The following TAFA1 variants were observed in gnomAD, a reference collection of about 807,000 sequenced individuals.
TAFA1 encodes the protein chemokine-like protein TAFA-1.
Under a neutral mutation model 18.5 loss-of-function variants are expected in TAFA1, and 4 were observed. That is an observed-to-expected ratio of 0.22 (90% CI 0.11 to 0.49). The LOEUF (loss-of-function observed/expected upper bound fraction) is 0.49, where lower values mean the gene tolerates loss of function less well. Ranked by LOEUF, TAFA1 falls within the 20% of genes least tolerant of loss-of-function variation. TAFA1 has a pLI of 0.98. For missense variants in TAFA1, 147 were observed against 169.0 expected (o/e 0.87, Z 0.72); for synonymous variants, 56 against 55.2 (o/e 1.01, Z -0.06).
rs554683946 is a variant in TAFA1 at position 68,207,785 on chromosome 3, A to C, written c.118+201041A>C. 2.2e-4 allele frequency among the ~76,000 whole-genome samples: 33 copies of C among 152,128 alleles called. No individual in the cohort carries two copies. In the South Asian group the frequency reaches 6.6e-3, roughly 31 times the overall value. On this transcript the variant is annotated intron_variant, in intron 2 of 4. Coordinates refer to ENST00000478136, the MANE Select transcript of TAFA1 (RefSeq NM_213609.4). ...CTATATGTCAGGCACTGCATATCTCAGTTGATGACCACAACTCTAGAAATT... is the reference window on the plus strand; with the variant it reads ...CTATATGTCAGGCACTGCATATCTCCGTTGATGACCACAACTCTAGAAATT...
At chr3:68,486,624 A>G (rs2072345177) in intron 3 of TAFA1, among the ~76,000 whole-genome samples, 1 of 152,228 alleles carries the variant, frequency 6.6e-6, no homozygotes, top group South Asian at 2.1e-4. Context: ...GTTGAAAGAG[A>G]TAATGCATTG....
At chr3:68,186,780 C>A (rs1335321204) in intron 2 of TAFA1, among the ~76,000 whole-genome samples, 4 of 152,042 alleles carry the variant, frequency 2.6e-5, no homozygotes, top group African/African-American at 9.7e-5. Flanking sequence ...TTAGTAAGTG[C>A]TCAGGATGCA....
At chr3:68,492,504 C>T (rs1193116950) in intron 3 of TAFA1, among the ~76,000 whole-genome samples, 2 of 152,138 alleles carry the variant, frequency 1.3e-5, no homozygotes, top group Non-Finnish European at 2.9e-5. Flanking sequence ...CTGATCTCTC[C>T]ATGAGTGAAA....
chr3:68,439,441 A>ATATATATATATATATATATATATG (rs1368084224), intron 3 of TAFA1, among the ~76,000 whole-genome samples: 18 of 128,700 alleles, frequency 1.4e-4, no homozygotes, highest in South Asian at 2.6e-4. Flanking sequence ...ATATATATAT[A>ATATATATATATATATATATATATG]TATGAGTTTA....
chr3:68,359,659 A>G (rs537620619), intron 2 of TAFA1, among the ~76,000 whole-genome samples: 2 of 152,076 alleles, frequency 1.3e-5, no homozygotes, highest in South Asian at 4.1e-4. Flanking sequence ...AGTTTAACCC[A>G]GTGGGACCGA....
At chr3:68,270,046 G>T (rs982171938) in intron 2 of TAFA1, among the ~76,000 whole-genome samples, 3 of 152,094 alleles carry the variant, frequency 2.0e-5, no homozygotes, top group African/African-American at 7.2e-5. Context: ...AAGGCATGCT[G>T]CAGGAAACCA....
chr3:68,215,741 A>G (rs2066649608), intron 2 of TAFA1, among the ~76,000 whole-genome samples: 1 of 152,066 alleles, frequency 6.6e-6, no homozygotes, highest in Non-Finnish European at 1.5e-5. Context: ...ACTTTAGAAG[A>G]CAGTTCGGCA....
chr3:68,490,904 A>G (rs1436995116), intron 3 of TAFA1, among the ~76,000 whole-genome samples: 1 of 151,624 alleles, frequency 6.6e-6, no homozygotes, highest in African/African-American at 2.4e-5. Context: ...CAGTAATGCA[A>G]TTACAGATCA....
At chr3:68,120,171 C>CTCTTTTTCTTTCTTTCTTTCTTTCTT (rs2065373666) in intron 2 of TAFA1, among the ~76,000 whole-genome samples, 4 of 84,436 alleles carry the variant, frequency 4.7e-5, no homozygotes, top group Admixed American at 1.4e-4. Context: ...CTCTTTCTTT[C>CTCTTTTTCTTTCTTTCTTTCTTTCTT]TCTTTCTTTC....
intron 3 of TAFA1, among the ~76,000 whole-genome samples, chr3:68,438,850 G>A (rs1244680775): frequency 6.6e-6 from 1 of 152,062 alleles, no homozygotes; most frequent in African/African-American, 2.4e-5. Flanking sequence ...AAGGCCACTT[G>A]AGCCACAGCT....
chr3:68,146,493 T>C (rs2065743285), intron 2 of TAFA1, among the ~76,000 whole-genome samples: 1 of 152,172 alleles, frequency 6.6e-6, no homozygotes, highest in Non-Finnish European at 1.5e-5. Flanking sequence ...CAAAGGACTG[T>C]GGAATAAAAA....
chr3:68,515,785 T>C (rs2106739009), intron 3 of TAFA1, among the ~76,000 whole-genome samples: 2 of 152,336 alleles, frequency 1.3e-5, no homozygotes, highest in South Asian at 4.1e-4. Flanking sequence ...TTCCCAGGAT[T>C]GCTGCAAGCA....
At chr3:68,456,074 A>C (rs1339892101) in intron 3 of TAFA1, among the ~76,000 whole-genome samples, 6 of 152,138 alleles carry the variant, frequency 3.9e-5, no homozygotes, top group Admixed American at 3.9e-4. Flanking sequence ...AAGAACTTTA[A>C]AAGGCAATTA....
At position 68,024,910 on chromosome 3, in the gene TAFA1, CTG is replaced by C. The variant is rs567648862; in HGVS notation, c.118+18169_118+18170del. Among the ~76,000 whole-genome samples the C allele has an allele frequency of 1.7e-3, 251 of 152,118 alleles. 1 individual carries two copies. Among genetic ancestry groups the C allele is most frequent in the East Asian group, 2.3e-3 (12 of 5,152 alleles). On this transcript the variant is annotated intron_variant, in intron 2 of 4. Coordinates refer to ENST00000478136, the MANE Select transcript of TAFA1 (RefSeq NM_213609.4). The stretch of plus-strand genomic sequence containing the variant: ...GAAGTTGCCTTAGCAACCATGAAGA[CTG>C]TGCTTTCACTGGACACTTCATTTGC...
Position 68,494,498 on chromosome 3 carries a change from C to T in TAFA1, c.260-44258C>T, listed in dbSNP as rs556993478. ...AAAATATATATCCCAATCTCCCTCA[C>T]AGGCAGGTGTGGCCTGAAAGTTCTA... On this transcript the variant is annotated intron_variant, in intron 3 of 4. Coordinates refer to ENST00000478136, the MANE Select transcript of TAFA1 (RefSeq NM_213609.4). Among the ~76,000 whole-genome samples, 18 of 152,290 alleles carry T rather than the reference C, an allele frequency of 1.2e-4. No individual in the cohort carries two copies. In the South Asian group the frequency reaches 1.7e-3, roughly 14 times the overall value.
At chr3:68,420,401 G>A (rs373385086) in intron 3 of TAFA1, among the ~76,000 whole-genome samples, 25 of 152,100 alleles carry the variant, frequency 1.6e-4, no homozygotes, top group African/African-American at 4.6e-4. Context: ...TTTATTTTCC[G>A]TAAAGATGAG....
At chr3:68,392,328 G>A (rs566059432) in intron 2 of TAFA1, among the ~76,000 whole-genome samples, 29 of 152,086 alleles carry the variant, frequency 1.9e-4, no homozygotes, top group African/African-American at 5.1e-4. Flanking sequence ...AAATAAATAC[G>A]CATCCAATAC....
At chr3:68,451,361 G>C (rs1173265826) in intron 3 of TAFA1, among the ~76,000 whole-genome samples, 1 of 152,168 alleles carries the variant, frequency 6.6e-6, no homozygotes, top group South Asian at 2.1e-4. Context: ...GATATCCAGA[G>C]GGTAAAGACT....
At chr3:68,221,978 C>T (rs892832529) in intron 2 of TAFA1, among the ~76,000 whole-genome samples, 1 of 152,148 alleles carries the variant, frequency 6.6e-6, no homozygotes, top group Non-Finnish European at 1.5e-5. Context: ...TTGGGGTCAA[C>T]TGTGGAGAGC....
Sources: gnomAD v4.1 joint callset for allele counts (sites outside exome capture counted in the v4.1 genomes callset) on GRCh38, gnomAD v4.1.1 for gene constraint, MANE v1.5 for transcripts, NCBI Gene and HGNC (gene_info 2026-07-23, HGNC 2026-07-21) for gene names.